HLTF: variants seen among roughly 807,000 people sequenced by gnomAD.
HLTF encodes the protein helicase like transcription factor.
In HLTF, 127 loss-of-function variants were observed where a neutral mutation model predicts 129.4. The ratio of observed to expected loss-of-function variants is 0.98; its 90% CI spans 0.85 to 1.14. The LOEUF is 1.14. Among genes scored for constraint, HLTF ranks in the 50% most tolerant of loss-of-function variants. The pLI, the probability that HLTF is intolerant of heterozygous loss-of-function variation, is 0.00. For missense variants in HLTF, 1,139 were observed against 1,187.1 expected (o/e 0.96, Z 0.60); for synonymous variants, 332 against 388.8 (o/e 0.85, Z 1.72).
At chr3:149,049,976 G>A (rs1246528873) in intron 15 of HLTF, among the ~76,000 whole-genome samples, 5 of 150,828 alleles carry the variant, frequency 3.3e-5, no homozygotes, top group Non-Finnish European at 7.4e-5. Context: ...TGGGCAACAA[G>A]AGCAAAACTC....
chr3:149,054,809 CTG>C (rs1391565601), intron 14 of HLTF, among the ~76,000 whole-genome samples: 1 of 152,152 alleles, frequency 6.6e-6, no homozygotes, highest in African/African-American at 2.4e-5. Flanking sequence ...CTTAACCTCT[CTG>C]TGTTTCAATG....
At chr3:149,072,913 AT>A (rs1718997152) in intron 5 of HLTF, among the ~76,000 whole-genome samples, 1 of 152,176 alleles carries the variant, frequency 6.6e-6, no homozygotes. Flanking sequence ...CTCAGCTTCA[AT>A]TTTTTTCTTA....
At chr3:149,086,268 C>T in intron 1 of HLTF, 49 bp downstream of exon 1, 2 of 1,576,360 alleles carry the variant, frequency 1.3e-6, no homozygotes, top group Non-Finnish European at 1.7e-6. Context: ...CATTTGGGGA[C>T]GCCTCCAGGC....
intron 8 of HLTF, among the ~76,000 whole-genome samples, chr3:149,067,508 T>C (rs915946768): frequency 1.5e-4 from 23 of 152,094 alleles, no homozygotes; most frequent in African/African-American, 5.1e-4. Flanking sequence ...TTATTTTATT[T>C]TTATTTGTTT....
At chr3:149,037,467 CAAAAAA>C (rs71135657) in intron 23 of HLTF, among the ~76,000 whole-genome samples, 5 of 99,590 alleles carry the variant, frequency 5.0e-5, no homozygotes, top group South Asian at 3.6e-4. Context: ...GACTCTGTCT[CAAAAAA>C]AAAAAAAAAA....
chr3:149,035,674 AAAAAAAAAAG>A (rs1358822148), intron 23 of HLTF, among the ~76,000 whole-genome samples: 1 of 123,194 alleles, frequency 8.1e-6, no homozygotes, highest in African/African-American at 2.7e-5. Context: ...AAAAAAAAAA[AAAAAAAAAAG>A]GGGGTTTTAA....
chr3:149,086,458 T>C lies in HLTF; in HGVS notation c.-122A>G. 1 of 1,156,618 alleles carries C rather than the reference T, an allele frequency of 8.6e-7. No individual in the cohort carries two copies. The highest frequency in any genetic ancestry group is 1.2e-6 in the Non-Finnish European group (1 of 801,500). The allele number at this position is 1,156,618 out of a possible 1,614,324, so 71.6% of individuals were successfully genotyped here. On this transcript the variant is annotated 5_prime_UTR_variant, in exon 1 of 25. Coordinates refer to ENST00000310053, the MANE Select transcript of HLTF (RefSeq NM_003071.4). ...CCGGGGACAAATTCCGAGCGCCGGA[T>C]CAGGAGCGCACGACTGAAAGGTAAG...
chr3:149,035,233 G>GT (rs1715469749), intron 23 of HLTF, among the ~76,000 whole-genome samples: 1 of 151,776 alleles, frequency 6.6e-6, no homozygotes, highest in Non-Finnish European at 1.5e-5. Flanking sequence ...CCCGACATAT[G>GT]TATCAGCACC....
intron 16 of HLTF, 94 bp from the exon 17 acceptor site, chr3:149,048,257 G>A (rs1318008398): frequency 1.1e-6 from 1 of 877,520 alleles, no homozygotes; most frequent in Non-Finnish European, 1.7e-6. Context: ...AATTGAAAAT[G>A]GGCACTCTGT....
chr3:149,052,147 G>GAAA (rs1717051494), intron 14 of HLTF: 1 of 97,528 alleles, frequency 1.0e-5, no homozygotes, highest in Non-Finnish European at 1.9e-5. Context: ...GAGCAAGACT[G>GAAA]TAAAAAAAAA....
chr3:149,086,487 C>A lies in HLTF; in HGVS notation c.-151G>T, dbSNP rs754483107. Reference sequence around the variant, plus strand: ...GAGCGCACGACTGAAAGGTAAGTCGCCGCGAGTCCAGTCAGACGTCGACGC... The same window carrying A: ...GAGCGCACGACTGAAAGGTAAGTCGACGCGAGTCCAGTCAGACGTCGACGC... On this transcript the variant is annotated 5_prime_UTR_variant, in exon 1 of 25. Transcript: ENST00000310053. 1 of 798,326 alleles carries A rather than the reference C, an allele frequency of 1.3e-6. No homozygotes were observed. Among genetic ancestry groups the A allele is most frequent in the Admixed American group, 2.6e-5 (1 of 38,190 alleles). The allele number at this position is 798,326 out of a possible 1,614,324, so 49.5% of individuals were successfully genotyped here.
rs111789341 is a variant in HLTF, at chr3:149,075,092, A to G, written c.396-744T>C. Among the ~76,000 whole-genome samples the G allele has an allele frequency of 8.1e-3, 1,229 of 152,316 alleles. 24 individuals are homozygous for G. Among genetic ancestry groups the G allele is most frequent in the African/African-American group, 0.027 (1,134 of 41,582 alleles). On this transcript the variant is annotated intron_variant, in intron 3 of 24. Transcript: ENST00000310053. ...AGATTTCCCACTTGTCAAGAGAAAA[A>G]TAAGTTTTTTGTATTTAAGAAAATA...
intron 8 of HLTF, 114 bp from the exon 9 acceptor site, chr3:149,064,980 C>A: frequency 1.9e-6 from 1 of 534,214 alleles, no homozygotes; most frequent in South Asian, 3.5e-5. Flanking sequence ...TAAATTGCTA[C>A]CCAATTCTGG....
At chr3:149,060,953 C>A in intron 10 of HLTF, 95 bp from the exon 11 acceptor site, 1 of 836,724 alleles carries the variant, frequency 1.2e-6, no homozygotes, top group Non-Finnish European at 1.9e-6. Flanking sequence ...AAACTTTTGT[C>A]CTACTCATTT....
At chr3:149,043,611 T>C (rs1716311004) in intron 18 of HLTF, among the ~76,000 whole-genome samples, 1 of 147,488 alleles carries the variant, frequency 6.8e-6, no homozygotes, top group African/African-American at 2.5e-5. Context: ...AATACAGTGG[T>C]ACAATGACAA....
At chr3:149,082,315 C>T (rs1301907798) in intron 2 of HLTF, among the ~76,000 whole-genome samples, 3 of 152,066 alleles carry the variant, frequency 2.0e-5, no homozygotes, top group Non-Finnish European at 4.4e-5. Flanking sequence ...AAAAATTAGC[C>T]GGGCATGGTG....
intron 14 of HLTF, among the ~76,000 whole-genome samples, chr3:149,050,602 T>C (rs1286276212): frequency 6.6e-6 from 1 of 152,194 alleles, no homozygotes; most frequent in Non-Finnish European, 1.5e-5. Flanking sequence ...AATCAGCAAC[T>C]GCTTCATTTT....
At chr3:149,044,724 C>A (rs1716400778) in intron 18 of HLTF, among the ~76,000 whole-genome samples, 2 of 152,146 alleles carry the variant, frequency 1.3e-5, no homozygotes, top group Admixed American at 1.3e-4. Flanking sequence ...AACAGCAATT[C>A]CAGCCTTCCA....
chr3:149,051,431 T>G (rs1019001229), intron 14 of HLTF, among the ~76,000 whole-genome samples: 2 of 152,168 alleles, frequency 1.3e-5, no homozygotes, highest in Non-Finnish European at 2.9e-5. Context: ...TATTTACAGC[T>G]GTAAGAATGA....
Sources: allele counts gnomAD v4.1 joint callset (sites outside exome capture counted in the v4.1 genomes callset), GRCh38; gene constraint gnomAD v4.1.1; transcripts MANE v1.5; gene names NCBI Gene and HGNC (gene_info 2026-07-23, HGNC 2026-07-21).